Variants in MMP28 observed in about 807,000 individuals in gnomAD.
MMP28 encodes the protein matrix metallopeptidase 28, also known as matrix metalloproteinase-28.
Under a neutral mutation model 60.5 loss-of-function variants are expected in MMP28, and 55 were observed. The ratio of observed to expected loss-of-function variants is 0.91; its 90% CI spans 0.73 to 1.14. The LOEUF (loss-of-function observed/expected upper bound fraction) is 1.14, where lower values mean the gene tolerates loss of function less well. Ranked by LOEUF, MMP28 falls within the 50% of genes most tolerant of loss-of-function variation. The probability of loss-of-function intolerance (pLI) is 0.00; values close to 1 mark genes in which losing one functional copy is unlikely to be tolerated. For missense variants in MMP28, 686 were observed against 738.3 expected (o/e 0.93, Z 0.82); for synonymous variants, 318 against 312.5 (o/e 1.02, Z -0.18).
chr17:35,792,173 A>G (rs565857275), intron 1 of MMP28, among the ~76,000 whole-genome samples: 6 of 151,686 alleles, frequency 4.0e-5, no homozygotes, highest in East Asian at 3.9e-4. Flanking sequence ...TGACTTTAAC[A>G]CTCCTCTCAG....
chr17:35,767,191 G>C (rs1030893091), intron 7 of MMP28, among the ~76,000 whole-genome samples: 4 of 152,194 alleles, frequency 2.6e-5, no homozygotes, highest in African/African-American at 9.7e-5. Flanking sequence ...TGAGGGCAAG[G>C]ATTTTTGTTT....
chr17:35,776,076 G>A (rs1031844208), intron 3 of MMP28, among the ~76,000 whole-genome samples: 8 of 151,838 alleles, frequency 5.3e-5, no homozygotes, highest in South Asian at 2.1e-4. Context: ...GGGTTTCACC[G>A]TGTTAGCCAG....
intron 5 of MMP28, among the ~76,000 whole-genome samples, chr17:35,768,931 G>A (rs1182057949): frequency 2.0e-5 from 3 of 152,212 alleles, no homozygotes; most frequent in African/African-American, 2.4e-5. Context: ...TTGGAGTGGG[G>A]TATCAAGCAA....
chr17:35,774,218 C>T (rs1309691486), intron 3 of MMP28, among the ~76,000 whole-genome samples: 1 of 152,250 alleles, frequency 6.6e-6, no homozygotes, highest in African/African-American at 2.4e-5. Context: ...CTGGGCCCAA[C>T]TGCAGCTCAG....
Position 35,778,909 on chromosome 17 carries a change from T to G in MMP28, c.358A>C (p.Lys120Gln). 6 of 1,614,060 alleles carry G rather than the reference T, an allele frequency of 3.7e-6. No individual in the cohort carries two copies. The highest frequency in any genetic ancestry group is 4.2e-6 in the Non-Finnish European group (5 of 1,179,896). Residue 120 changes from lysine (K) to glutamine (Q), a missense_variant, in exon 3 of 8, where the codon AAG becomes CAG. By Grantham distance (53) the Lys-to-Gln change is moderately conservative. Coordinates refer to ENST00000605424, the MANE Select transcript of MMP28 (RefSeq NM_024302.5). ...FARHRTKMRR[K>Q]KRFAKQGNKW... ...TCACCTTGCTTTGCAAAGCGTTTCT[T>G]ACGCCTCATTTTGGTCCGGTGTCTA...
intron 4 of MMP28, among the ~76,000 whole-genome samples, chr17:35,770,862 G>A (rs1417295348): frequency 6.6e-6 from 1 of 151,694 alleles, no homozygotes; most frequent in Non-Finnish European, 1.5e-5. Flanking sequence ...CCAGCCTGGG[G>A]AAACAAAGCA....
intron 4 of MMP28, among the ~76,000 whole-genome samples, chr17:35,772,529 A>G (rs1192674317): frequency 1.3e-5 from 2 of 152,222 alleles, no homozygotes; most frequent in Non-Finnish European, 2.9e-5. Context: ...CCCAGGCCAT[A>G]CAAGGGCTTA....
chr17:35,778,994 G>A lies in MMP28; in HGVS notation c.273C>T (p.Cys91=), dbSNP rs372668832. ...ATLRQMTRPR[C]GVTDTNSYAA... The stretch of plus-strand genomic sequence containing the variant: ...CATAACTGTTGGTATCTGTAACCCC[G>A]CAGCGGGGACGAGTCATCTGGCGCA... Residue 91 remains cysteine, a synonymous_variant, in exon 3 of 8, where the codon TGC becomes TGT. Transcript: ENST00000605424. 3.2e-5 allele frequency: 51 copies of A among 1,613,934 alleles called. No homozygotes were observed. In the African/African-American group the frequency reaches 4.8e-4, roughly 15 times the overall value.
chr17:35,764,461 A>G (rs1555602340), downstream of MMP28: 2 of 1,558,438 alleles, frequency 1.3e-6, no homozygotes, highest in Non-Finnish European at 1.7e-6. Flanking sequence ...TGCGTGCTGG[A>G]GATCCGGCGA....
At chr17:35,768,423 G>A in intron 5 of MMP28, 44 bp from the exon 6 acceptor site, 2 of 1,517,248 alleles carry the variant, frequency 1.3e-6, no homozygotes, top group Non-Finnish European at 1.8e-6. Context: ...CACACATAGG[G>A]TAGAGGGTAT....
At chr17:35,780,695 C>T (rs982188511) in intron 1 of MMP28, among the ~76,000 whole-genome samples, 1 of 151,860 alleles carries the variant, frequency 6.6e-6, no homozygotes, top group Non-Finnish European at 1.5e-5. Flanking sequence ...ATTAGCTGGG[C>T]GTGGTGGTGG....
At position 35,770,183 on chromosome 17, in the gene MMP28, G is replaced by A. The variant is rs754121685; in HGVS notation, c.734C>T (p.Thr245Met). The stretch of plus-strand genomic sequence containing the variant: ...CGCGGGCGAGTGGGTGAGGCCAAGC[G>A]TGTGACCGATCTCGTGCGCCAGCAC... ...FVVLAHEIGH[T>M]LGLTHSPAPR... The change falls in exon 5 of 8, where the codon ACG (threonine) becomes ATG (methionine). Residue 245 changes from threonine (T) to methionine (M), a missense_variant. Thr to Met is a moderately conservative substitution (Grantham distance 81). Coordinates refer to ENST00000605424, the MANE Select transcript of MMP28 (RefSeq NM_024302.5). The A allele has an allele frequency of 3.1e-6, 5 of 1,605,924 alleles. No homozygotes were observed. The highest frequency in any genetic ancestry group is 1.1e-5 in the South Asian group (1 of 90,572).
Position 35,771,696 on chromosome 17 carries a change from AATATATATAT to A in MMP28, c.605-1394_605-1385del, listed in dbSNP as rs71366482. On this transcript the variant is annotated intron_variant, in intron 4 of 7. Transcript: ENST00000605424. ...GAAAATATACATACATATAGAAGTG[AATATATATAT>A]ATATATATATATATATATATATATA... is the stretch of plus-strand genomic sequence containing the variant. 7.6e-3 allele frequency among the ~76,000 whole-genome samples: 381 copies of A among 50,412 alleles called. 6 individuals carry two copies. Among genetic ancestry groups the A allele is most frequent in the African/African-American group, 0.013 (152 of 11,660 alleles). 33.1% of individuals were successfully genotyped at this position (50,412 alleles called of 152,430 possible).
downstream of MMP28, chr17:35,764,456 G>C (rs373896097): frequency 2.6e-5 from 40 of 1,557,802 alleles, no homozygotes; most frequent in Non-Finnish European, 3.3e-5. Context: ...AGCCGTGCGT[G>C]CTGGAGATCC....
chr17:35,788,845 G>A (rs539178888), intron 1 of MMP28, among the ~76,000 whole-genome samples: 1 of 152,226 alleles, frequency 6.6e-6, no homozygotes, highest in South Asian at 2.1e-4. Context: ...GAGCCCTTGG[G>A]AATCTGTGTT....
chr17:35,764,826 C>T (rs2085903563), downstream of MMP28: 1 of 526,340 alleles, frequency 1.9e-6, no homozygotes. Flanking sequence ...AGTGCAGAGC[C>T]CAGCATAACC....
intron 1 of MMP28, among the ~76,000 whole-genome samples, chr17:35,792,538 G>A (rs374577695): frequency 6.6e-6 from 1 of 152,238 alleles, no homozygotes; most frequent in Non-Finnish European, 1.5e-5. Flanking sequence ...TCGACTCACA[G>A]TTATCTGTGA....
intron 1 of MMP28, among the ~76,000 whole-genome samples, chr17:35,787,270 G>C (rs9903400): frequency 7.2e-5 from 11 of 152,156 alleles, no homozygotes; most frequent in Non-Finnish European, 2.9e-5. Flanking sequence ...ACAGGCCAGA[G>C]GCATTCGACA....
chr17:35,769,926 A>T, intron 5 of MMP28, 141 bp downstream of exon 5: 1 of 1,154,020 alleles, frequency 8.7e-7, no homozygotes, highest in Non-Finnish European at 1.2e-6. Flanking sequence ...ATAGGGCTTT[A>T]GAATTGGGAC....
Sources: gnomAD v4.1 joint callset for allele counts (sites outside exome capture counted in the v4.1 genomes callset) on GRCh38, gnomAD v4.1.1 for gene constraint, MANE v1.5 for transcripts, NCBI Gene and HGNC (gene_info 2026-07-23, HGNC 2026-07-21) for gene names.